The following LRRC4C variants were observed in gnomAD, a reference collection of about 807,000 sequenced individuals.
The protein encoded by LRRC4C is leucine rich repeat containing 4C.
In LRRC4C, 5 loss-of-function variants were observed where a neutral mutation model predicts 33.6. The ratio of observed to expected loss-of-function variants is 0.15; its 90% CI spans 0.08 to 0.31. LRRC4C has a LOEUF of 0.31. LRRC4C is among the 10% of genes least tolerant of loss of function. LRRC4C has a pLI of 1.00. For synonymous variants in LRRC4C, 329 were observed against 302.0 expected (o/e 1.09, Z -0.93); for missense variants, 560 against 796.7 (o/e 0.70, Z 3.58).
intron 2 of LRRC4C, among the ~76,000 whole-genome samples, chr11:40,820,184 G>C (rs1377221285): frequency 6.6e-6 from 1 of 152,006 alleles, no homozygotes; most frequent in African/African-American, 2.4e-5. Context: ...AACTGTCTAA[G>C]TAATGTACTC....
intron 2 of LRRC4C, among the ~76,000 whole-genome samples, chr11:40,673,224 A>G (rs984187272): frequency 1.3e-5 from 2 of 152,166 alleles, no homozygotes; most frequent in Non-Finnish European, 2.9e-5. Context: ...TTTAGGAAAC[A>G]TTTTGGAGAA....
intron 1 of LRRC4C, among the ~76,000 whole-genome samples, chr11:41,404,096 T>G (rs1022769233): frequency 3.3e-5 from 5 of 152,082 alleles, no homozygotes; most frequent in African/African-American, 1.2e-4. Context: ...ATGCCAACAG[T>G]GGTACAACCA....
rs561480063 is a variant in LRRC4C, at chr11:41,132,279, G to A, written c.-495-198556C>T. Among the ~76,000 whole-genome samples, 336 of 152,226 alleles carry A rather than the reference G, an allele frequency of 2.2e-3. 3 individuals are homozygous for A. Among genetic ancestry groups the A allele is most frequent in the Non-Finnish European group, 3.2e-3 (218 of 68,002 alleles). On this transcript the variant is annotated intron_variant, in intron 1 of 6. Coordinates refer to ENST00000528697, the MANE Select transcript of LRRC4C (RefSeq NM_001258419.2). ...TTTGGAGAAAAAGGAAAAAATGGTA[G>A]AACTTATACAGAATATTATTAACAA... is the stretch of plus-strand genomic sequence containing the variant.
chr11:41,210,013 A>T (rs1199920022), intron 1 of LRRC4C, among the ~76,000 whole-genome samples: 1 of 152,142 alleles, frequency 6.6e-6, no homozygotes, highest in Non-Finnish European at 1.5e-5. Context: ...CCACGTGAGG[A>T]TTCAGTGAGG....
At chr11:41,249,471 G>A (rs534562000) in intron 1 of LRRC4C, among the ~76,000 whole-genome samples, 41 of 152,086 alleles carry the variant, frequency 2.7e-4, no homozygotes, top group African/African-American at 9.2e-4. Context: ...TTCTCTATTC[G>A]AAACTCACCT....
At chr11:40,267,131 G>C (rs970406363) in intron 4 of LRRC4C, among the ~76,000 whole-genome samples, 1 of 151,994 alleles carries the variant, frequency 6.6e-6, no homozygotes, top group Admixed American at 6.6e-5. Context: ...CACTAGTTTT[G>C]TGTCCTCAGA....
intron 2 of LRRC4C, among the ~76,000 whole-genome samples, chr11:40,821,941 A>C (rs1951946135): frequency 6.6e-6 from 1 of 151,816 alleles, no homozygotes; most frequent in Admixed American, 6.6e-5. Flanking sequence ...ACATGCAGAT[A>C]ATGCATAATG....
chr11:40,657,149 T>A (rs1943165657), intron 2 of LRRC4C, among the ~76,000 whole-genome samples: 1 of 152,190 alleles, frequency 6.6e-6, no homozygotes, highest in African/African-American at 2.4e-5. Flanking sequence ...AAGAAATTGA[T>A]ACTTAGTGAA....
chr11:40,975,793 T>A (rs1852038961), intron 1 of LRRC4C, among the ~76,000 whole-genome samples: 1 of 152,176 alleles, frequency 6.6e-6, no homozygotes, highest in Non-Finnish European at 1.5e-5. Context: ...TTTCAAAGCT[T>A]ATATAAAATA....
At chr11:40,429,903 T>C (rs1257000698) in intron 3 of LRRC4C, among the ~76,000 whole-genome samples, 1 of 152,218 alleles carries the variant, frequency 6.6e-6, no homozygotes, top group Non-Finnish European at 1.5e-5. Flanking sequence ...CAGTGTTAAA[T>C]ATAATACATG....
At chr11:40,283,369 C>T (rs1943610465) in intron 4 of LRRC4C, among the ~76,000 whole-genome samples, 1 of 151,940 alleles carries the variant, frequency 6.6e-6, no homozygotes, top group African/African-American at 2.4e-5. Flanking sequence ...AAATGTTCAT[C>T]TAGTGCACTT....
chr11:41,005,635 C>T (rs1340814584), intron 1 of LRRC4C, among the ~76,000 whole-genome samples: 1 of 151,756 alleles, frequency 6.6e-6, no homozygotes, highest in Non-Finnish European at 1.5e-5. Flanking sequence ...AAAAGCTGCC[C>T]CTGGCGCCTC....
chr11:40,503,994 G>T (rs1954908078), intron 3 of LRRC4C, among the ~76,000 whole-genome samples: 1 of 152,062 alleles, frequency 6.6e-6, no homozygotes, highest in Admixed American at 6.6e-5. Flanking sequence ...AAAGAGACAT[G>T]TACAGCCCCC....
At chr11:40,697,793 G>A (rs987217283) in intron 2 of LRRC4C, among the ~76,000 whole-genome samples, 21 of 152,102 alleles carry the variant, frequency 1.4e-4, no homozygotes, top group African/African-American at 4.6e-4. Context: ...AAATTGGCCG[G>A]GTGCCATGGC....
intron 3 of LRRC4C, among the ~76,000 whole-genome samples, chr11:40,328,638 A>G (rs1946207407): frequency 6.6e-6 from 1 of 152,204 alleles, no homozygotes; most frequent in South Asian, 2.1e-4. Flanking sequence ...TTTCCTGAGG[A>G]TTTATGAGCA....
intron 4 of LRRC4C, among the ~76,000 whole-genome samples, chr11:40,270,848 C>T (rs1942642056): frequency 6.6e-6 from 1 of 152,162 alleles, no homozygotes; most frequent in Non-Finnish European, 1.5e-5. Context: ...GGCAGAATGA[C>T]ATTGAGAGTT....
At chr11:41,085,145 T>A (rs570587206) in intron 1 of LRRC4C, among the ~76,000 whole-genome samples, 1 of 152,338 alleles carries the variant, frequency 6.6e-6, no homozygotes, top group East Asian at 1.9e-4. Context: ...AAGAATTGGA[T>A]ATTGTCATAT....
chr11:40,677,721 C>T (rs773864316), intron 2 of LRRC4C, among the ~76,000 whole-genome samples: 14 of 152,112 alleles, frequency 9.2e-5, no homozygotes, highest in Non-Finnish European at 1.8e-4. Context: ...AAAAACAAAA[C>T]ACAGATTTTT....
intron 1 of LRRC4C, among the ~76,000 whole-genome samples, chr11:41,297,456 A>C (rs894983679): frequency 2.0e-5 from 3 of 152,206 alleles, no homozygotes; most frequent in Admixed American, 2.0e-4. Flanking sequence ...TTTAAAAAGT[A>C]TCAGTGTTTG....
Sources: gnomAD v4.1 joint callset for allele counts (sites outside exome capture counted in the v4.1 genomes callset) on GRCh38, gnomAD v4.1.1 for gene constraint, MANE v1.5 for transcripts, NCBI Gene and HGNC (gene_info 2026-07-23, HGNC 2026-07-21) for gene names.